CCDC60: variants seen among roughly 807,000 people sequenced by gnomAD.
CCDC60 encodes the protein coiled-coil domain-containing protein 60.
In CCDC60, 54 loss-of-function variants were observed where a neutral mutation model predicts 63.5. The ratio of observed to expected loss-of-function variants is 0.85; its 90% CI spans 0.68 to 1.07. The LOEUF is 1.07. Ranked by LOEUF, CCDC60 falls within the 50% of genes least tolerant of loss-of-function variation. CCDC60 has a pLI of 0.00. For missense variants in CCDC60, 651 were observed against 684.3 expected (o/e 0.95, Z 0.54); for synonymous variants, 206 against 238.8 (o/e 0.86, Z 1.27).
intron 8 of CCDC60, among the ~76,000 whole-genome samples, chr12:119,518,478 T>C (rs1952412687): frequency 6.6e-6 from 1 of 152,160 alleles, no homozygotes; most frequent in Non-Finnish European, 1.5e-5. Context: ...GTTGGGCAAG[T>C]TGCTTCACCT....
intron 1 of CCDC60, among the ~76,000 whole-genome samples, chr12:119,361,166 T>C (rs1173320552): frequency 1.2e-5 from 1 of 81,544 alleles, no homozygotes; most frequent in Non-Finnish European, 2.3e-5. Context: ...AGGGAGACCA[T>C]GGGGAGAGGG....
At position 119,528,607 on chromosome 12, in the gene CCDC60, C is replaced by T. The variant is rs1952755647; in HGVS notation, c.1230-8C>T. 1.2e-6 allele frequency: 2 copies of T among 1,611,578 alleles called. No homozygotes were observed. Among genetic ancestry groups the T allele is most frequent in the African/African-American group, 1.3e-5 (1 of 74,842 alleles). ...ATTCTTCTCTCTCTTTCTCATACAACCTTGTAGGCGCCAAGAAGAGAGAGG... is the reference window on the plus strand; with the variant it reads ...ATTCTTCTCTCTCTTTCTCATACAATCTTGTAGGCGCCAAGAAGAGAGAGG... On this transcript the variant is annotated splice_region_variant and splice_polypyrimidine_tract_variant and intron_variant, in intron 11 of 13. Coordinates refer to ENST00000327554, the MANE Select transcript of CCDC60 (RefSeq NM_178499.5).
At chr12:119,343,336 C>G (rs957208195) in intron 1 of CCDC60, among the ~76,000 whole-genome samples, 1 of 152,002 alleles carries the variant, frequency 6.6e-6, no homozygotes, top group Non-Finnish European at 1.5e-5. Flanking sequence ...GGAAATGCCT[C>G]GGGGTTTCTG....
intron 4 of CCDC60, among the ~76,000 whole-genome samples, chr12:119,480,875 CCATCAT>C (rs1175786429): frequency 6.9e-6 from 1 of 144,818 alleles, no homozygotes; most frequent in Non-Finnish European, 1.5e-5. Context: ...ATCACCATCA[CCATCAT>C]CATCACCACC....
At chr12:119,373,505 A>C (rs1204491486) in intron 1 of CCDC60, among the ~76,000 whole-genome samples, 3 of 152,066 alleles carry the variant, frequency 2.0e-5, no homozygotes, top group Non-Finnish European at 4.4e-5. Flanking sequence ...CACTTACTAC[A>C]TGCCTCTGAG....
intron 4 of CCDC60, among the ~76,000 whole-genome samples, chr12:119,485,375 C>T (rs1359458262): frequency 6.6e-6 from 1 of 152,140 alleles, no homozygotes. Flanking sequence ...GCTGGAGAGG[C>T]GGACGGGGCC....
chr12:119,494,479 T>C (rs377240021), intron 5 of CCDC60, among the ~76,000 whole-genome samples: 1 of 152,188 alleles, frequency 6.6e-6, no homozygotes. Context: ...GAGACACCAC[T>C]GGGCCCACTG....
At chr12:119,524,072 T>C (rs1453193379) in intron 11 of CCDC60, among the ~76,000 whole-genome samples, 1 of 152,088 alleles carries the variant, frequency 6.6e-6, no homozygotes, top group African/African-American at 2.4e-5. Flanking sequence ...AGAGCATAGG[T>C]ACCTAATCTA....
chr12:119,402,601 AGGGTAAATGGAAATAATAT>A (rs1956412544), intron 1 of CCDC60, among the ~76,000 whole-genome samples: 1 of 152,208 alleles, frequency 6.6e-6, no homozygotes, highest in South Asian at 2.1e-4. Context: ...ATATATTGCA[AGGGTAAATGGAAATAATAT>A]GTGTAAAACT....
intron 1 of CCDC60, among the ~76,000 whole-genome samples, chr12:119,408,028 G>A (rs942928743): frequency 1.3e-5 from 2 of 152,020 alleles, no homozygotes; most frequent in African/African-American, 4.8e-5. Context: ...TTTTTTAAAT[G>A]CATATGGGAG....
chr12:119,372,001 T>A (rs899927774), intron 1 of CCDC60, among the ~76,000 whole-genome samples: 1 of 151,938 alleles, frequency 6.6e-6, no homozygotes, highest in Admixed American at 6.6e-5. Context: ...CTCACCCCTG[T>A]AATCCCAGCA....
intron 1 of CCDC60, among the ~76,000 whole-genome samples, chr12:119,421,492 T>A (rs145261904): frequency 1.3e-5 from 2 of 152,300 alleles, no homozygotes; most frequent in East Asian, 3.9e-4. Flanking sequence ...TGCCACTTAA[T>A]AGCAAGTCAG....
chr12:119,366,706 G>A (rs1015261424), intron 1 of CCDC60, among the ~76,000 whole-genome samples: 2 of 152,184 alleles, frequency 1.3e-5, no homozygotes, highest in Admixed American at 6.5e-5. Flanking sequence ...CCAGGGCAAG[G>A]GCAGTGAGAT....
In CCDC60 at chr12:119,528,747, GT is replaced by G. The variant is rs925465117; in HGVS notation, c.1361+2del. Reference sequence around the variant, plus strand: ...ATGCAGAAGAAATTGCAGACCACTGGTAAATATCCTAAGAACCAGATAAGAT... The same window carrying G: ...ATGCAGAAGAAATTGCAGACCACTGGAAATATCCTAAGAACCAGATAAGAT... On this transcript the variant is annotated splice_donor_variant, in intron 12 of 13. Coordinates refer to ENST00000327554, the MANE Select transcript of CCDC60 (RefSeq NM_178499.5). LOFTEE classifies it high-confidence loss of function. 1.2e-6 allele frequency: 2 copies of G among 1,612,814 alleles called. No homozygotes were observed. Among genetic ancestry groups the G allele is most frequent in the East Asian group, 2.2e-5 (1 of 44,872 alleles).
intron 2 of CCDC60, among the ~76,000 whole-genome samples, chr12:119,450,018 G>A (rs1950602735): frequency 6.6e-6 from 1 of 152,080 alleles, no homozygotes; most frequent in African/African-American, 2.4e-5. Flanking sequence ...ACAAAGTCAA[G>A]GAATCAACCT....
At chr12:119,397,213 G>C (rs1005638186) in intron 1 of CCDC60, among the ~76,000 whole-genome samples, 11 of 152,182 alleles carry the variant, frequency 7.2e-5, no homozygotes, top group Non-Finnish European at 1.2e-4. Flanking sequence ...GTGAGCAGCA[G>C]CAAGAGTTAT....
chr12:119,489,773 G>A (rs1359880027), intron 5 of CCDC60, among the ~76,000 whole-genome samples: 1 of 151,738 alleles, frequency 6.6e-6, no homozygotes, highest in Non-Finnish European at 1.5e-5. Flanking sequence ...CCTCCCAGGT[G>A]GATCCAGTCT....
chr12:119,471,916 C>A (rs1030627805), intron 2 of CCDC60, 78 bp from the exon 3 acceptor site: 1 of 1,177,636 alleles, frequency 8.5e-7, no homozygotes, highest in Admixed American at 2.2e-5. Flanking sequence ...CTCTTTCTTT[C>A]TCTCCTTCTC....
chr12:119,486,693 A>G (rs1042099237), intron 4 of CCDC60, among the ~76,000 whole-genome samples: 2 of 152,164 alleles, frequency 1.3e-5, no homozygotes, highest in Non-Finnish European at 2.9e-5. Flanking sequence ...CAGCCACCCT[A>G]GTACACAGAG....
Sources: gnomAD v4.1 joint callset for allele counts (sites outside exome capture counted in the v4.1 genomes callset) on GRCh38, gnomAD v4.1.1 for gene constraint, MANE v1.5 for transcripts, NCBI Gene and HGNC (gene_info 2026-07-23, HGNC 2026-07-21) for gene names.